The following KCNIP4 variants were observed in gnomAD, a reference collection of about 807,000 sequenced individuals.
KCNIP4 encodes the protein Kv channel-interacting protein 4.
In KCNIP4, 12 loss-of-function variants were observed where a neutral mutation model predicts 34.0. The ratio of observed to expected loss-of-function variants is 0.35; its 90% confidence interval spans 0.23 to 0.57. The LOEUF is 0.57. KCNIP4 is among the 20% of genes least tolerant of loss of function. The pLI is 0.83. For missense variants in KCNIP4, 238 were observed against 311.7 expected, an observed-to-expected ratio of 0.76 and a Z score of 1.78; for synonymous variants, 124 against 102.2, an observed-to-expected ratio of 1.21 and a Z score of -1.29.
chr4:21,404,399 A>G (rs1355046661), intron 1 of KCNIP4, among the ~76,000 whole-genome samples: 4 of 152,124 alleles, frequency 2.6e-5, no homozygotes, highest in Non-Finnish European at 4.4e-5. Flanking sequence ...TGCTTAGTAA[A>G]TATCTATGGT....
At chr4:21,025,069 T>A (rs6830434) in intron 1 of KCNIP4, among the ~76,000 whole-genome samples, 10,959 of 152,226 alleles carry the variant, frequency 0.072, 507 homozygotes, top group Middle Eastern at 0.11. Context: ...TACCAGTAGG[T>A]CAAAGAAGCT....
intron 1 of KCNIP4, among the ~76,000 whole-genome samples, chr4:21,667,447 G>A (rs1011312038): frequency 6.6e-6 from 1 of 152,200 alleles, no homozygotes; most frequent in Admixed American, 6.5e-5. Context: ...CACAAGGTAT[G>A]TGAGAGAGGA....
chr4:21,031,404 GA>G (rs1483288869), intron 1 of KCNIP4, among the ~76,000 whole-genome samples: 3 of 152,162 alleles, frequency 2.0e-5, no homozygotes, highest in Non-Finnish European at 2.9e-5. Flanking sequence ...AAATCACAGT[GA>G]GTGGCAAAAC....
intron 1 of KCNIP4, among the ~76,000 whole-genome samples, chr4:21,141,434 T>C (rs1751944427): frequency 6.6e-6 from 1 of 152,226 alleles, no homozygotes; most frequent in Admixed American, 6.5e-5. Flanking sequence ...CAATAATTAT[T>C]TCTTTTGAAT....
intron 3 of KCNIP4, among the ~76,000 whole-genome samples, chr4:20,825,276 T>A (rs1717619954): frequency 7.2e-6 from 1 of 138,300 alleles, no homozygotes; most frequent in Admixed American, 7.8e-5. Context: ...GGATGAGGAA[T>A]AGATTGATCA....
At chr4:21,174,017 A>G (rs1348602960) in intron 1 of KCNIP4, among the ~76,000 whole-genome samples, 1 of 152,084 alleles carries the variant, frequency 6.6e-6, no homozygotes, top group Non-Finnish European at 1.5e-5. Context: ...CTTCCTCCTA[A>G]TGGGACACTG....
intron 1 of KCNIP4, among the ~76,000 whole-genome samples, chr4:21,445,924 C>G (rs1408256180): frequency 6.6e-6 from 1 of 152,068 alleles, no homozygotes; most frequent in Non-Finnish European, 1.5e-5. Context: ...AACAAATTTA[C>G]AAGAAAAAAA....
At chr4:21,694,931 TAA>T (rs1230012484) in intron 1 of KCNIP4, among the ~76,000 whole-genome samples, 7 of 47,410 alleles carry the variant, frequency 1.5e-4, no homozygotes, top group African/African-American at 4.5e-4. Flanking sequence ...AAAAAAAAAA[TAA>T]AAATAAATAA....
intron 1 of KCNIP4, among the ~76,000 whole-genome samples, chr4:21,137,621 T>G (rs1028749706): frequency 2.0e-5 from 3 of 152,172 alleles, no homozygotes; most frequent in African/African-American, 7.2e-5. Flanking sequence ...GTTTTAACTT[T>G]TTGGAGCCTC....
chr4:21,855,549 T>G (rs1379919088), intron 1 of KCNIP4: 1 of 152,222 alleles, frequency 6.6e-6, no homozygotes, highest in Admixed American at 6.5e-5. Flanking sequence ...AGATTATTGT[T>G]AAAAATATGC....
chr4:21,672,531 G>T (rs1749584937), intron 1 of KCNIP4, among the ~76,000 whole-genome samples: 1 of 152,150 alleles, frequency 6.6e-6, no homozygotes, highest in Non-Finnish European at 1.5e-5. Context: ...AAGGTTCAGT[G>T]TATATTAAAT....
intron 1 of KCNIP4, among the ~76,000 whole-genome samples, chr4:20,946,609 AAGC>A (rs2149630099): frequency 6.6e-6 from 1 of 152,266 alleles, no homozygotes; most frequent in Non-Finnish European, 1.5e-5. Context: ...AATAGACTGA[AAGC>A]AGGAAAATGG....
chr4:21,710,310 A>T (rs1713622056), intron 1 of KCNIP4, among the ~76,000 whole-genome samples: 1 of 152,106 alleles, frequency 6.6e-6, no homozygotes, highest in South Asian at 2.1e-4. Context: ...ACTCCCCTGG[A>T]ACTTGCTGCC....
chr4:20,974,412 G>A (rs769976737), intron 1 of KCNIP4, among the ~76,000 whole-genome samples: 34 of 151,794 alleles, frequency 2.2e-4, no homozygotes, highest in Admixed American at 1.8e-3. Flanking sequence ...ATAAAAGAGA[G>A]GGTGGGTTTC....
rs553943366 is a variant in KCNIP4, at chr4:21,434,563, T to C, written c.61+514008A>G. ...ACCGAGCAGCACAGCAGGAGGTGAGTGGCAGGCAAGTGAGCATTACTGCCT... is the reference window on the plus strand; with the variant it reads ...ACCGAGCAGCACAGCAGGAGGTGAGCGGCAGGCAAGTGAGCATTACTGCCT... On this transcript the variant is annotated intron_variant, in intron 1 of 8. Coordinates refer to ENST00000382152, the MANE Select transcript of KCNIP4 (RefSeq NM_025221.6). 7.3e-3 allele frequency among the ~76,000 whole-genome samples: 1,111 copies of C among 151,976 alleles called. 4 individuals carry two copies. The highest frequency in any genetic ancestry group is 0.024 in the Middle Eastern group (7 of 294).
chr4:20,763,027 C>T (rs189564102), intron 3 of KCNIP4, among the ~76,000 whole-genome samples: 80 of 152,224 alleles, frequency 5.3e-4, no homozygotes, highest in African/African-American at 1.8e-3. Flanking sequence ...AACTCACCCA[C>T]TTATCACGAG....
At chr4:21,656,880 T>C (rs540594317) in intron 1 of KCNIP4, 2 of 152,298 alleles carry the variant, frequency 1.3e-5, no homozygotes, top group Non-Finnish European at 2.9e-5. Flanking sequence ...TCTGCCAGGC[T>C]CAGGTTGGAA....
chr4:21,107,982 T>C (rs1184174866), intron 1 of KCNIP4, among the ~76,000 whole-genome samples: 4 of 151,586 alleles, frequency 2.6e-5, no homozygotes, highest in South Asian at 2.1e-4. Flanking sequence ...GTTAGTCTGA[T>C]GGGCTTCCCT....
chr4:21,634,489 C>G (rs1176742536), intron 1 of KCNIP4, among the ~76,000 whole-genome samples: 2 of 151,984 alleles, frequency 1.3e-5, no homozygotes, highest in Non-Finnish European at 2.9e-5. Context: ...AAATTTTCTC[C>G]TTTTCACATT....
Sources: gnomAD v4.1 joint callset for allele counts (sites outside exome capture counted in the v4.1 genomes callset) on GRCh38, gnomAD v4.1.1 for gene constraint, MANE v1.5 for transcripts, NCBI Gene and HGNC (gene_info 2026-07-23, HGNC 2026-07-21) for gene names.